Variants in HACD2 observed in about 807,000 individuals in gnomAD.
HACD2 encodes 3-hydroxyacyl-CoA dehydratase 2, also known as very-long-chain (3R)-3-hydroxyacyl-CoA dehydratase 2.
Under a neutral mutation model 31.0 loss-of-function variants are expected in HACD2, and 15 were observed. The observed-to-expected ratio is 0.48, with a 90% CI of 0.32 to 0.75. The LOEUF is 0.75. HACD2 is among the 30% of genes least tolerant of loss of function. HACD2 has a pLI of 0.03. For synonymous variants in HACD2, 115 were observed against 122.2 expected, an observed-to-expected ratio of 0.94 and a Z score of 0.39; for missense variants, 283 against 313.0, an observed-to-expected ratio of 0.90 and a Z score of 0.72.
chr3:123,540,065 C>G (rs1005161157), intron 3 of HACD2, among the ~76,000 whole-genome samples: 2 of 142,396 alleles, frequency 1.4e-5, no homozygotes, highest in Admixed American at 1.4e-4. Context: ...GCCTAGGGGA[C>G]GGAGTGAGAC....
At chr3:123,502,410 C>T (rs1439622050) in intron 5 of HACD2, 150 bp downstream of exon 5, 1 of 698,928 alleles carries the variant, frequency 1.4e-6, no homozygotes, top group Non-Finnish European at 2.3e-6. Flanking sequence ...TAAGTACAGA[C>T]TCCTATTCTG....
chr3:123,503,794 A>G (rs1466701516), intron 4 of HACD2, among the ~76,000 whole-genome samples: 1 of 151,930 alleles, frequency 6.6e-6, no homozygotes, highest in Non-Finnish European at 1.5e-5. Context: ...TGATGACAAG[A>G]TGGACTTTCT....
At chr3:123,538,759 T>C (rs2056455115) in intron 3 of HACD2, among the ~76,000 whole-genome samples, 1 of 152,240 alleles carries the variant, frequency 6.6e-6, no homozygotes, top group African/African-American at 2.4e-5. Context: ...CCAGAATGAA[T>C]GGTGGTCTTA....
intron 4 of HACD2, among the ~76,000 whole-genome samples, chr3:123,505,648 C>A (rs1034035926): frequency 6.6e-6 from 1 of 152,164 alleles, no homozygotes. Flanking sequence ...CAGGATTCAG[C>A]CACATTAACA....
intron 3 of HACD2, among the ~76,000 whole-genome samples, chr3:123,537,112 T>A (rs2056435789): frequency 6.6e-6 from 1 of 152,206 alleles, no homozygotes; most frequent in Non-Finnish European, 1.5e-5. Flanking sequence ...TGAACAATAA[T>A]AAATTAATAA....
Position 123,493,727 on chromosome 3 carries a change from T to TAAGAGA in HACD2, c.*1160_*1161insTCTCTT, listed in dbSNP as rs933362251. ...GACATGGATTAGACAATGTCGGTAG[T>TAAGAGA]ACCAAACTATTTCTTGGCTGCTCCA... On this transcript the variant is annotated 3_prime_UTR_variant, in exon 7 of 7. Transcript: ENST00000383657. 2.0e-5 allele frequency: 3 copies of TAAGAGA among 152,196 alleles called. No individual in the cohort carries two copies. The highest frequency in any genetic ancestry group is 4.8e-5 in the African/African-American group (2 of 41,444). 9.4% of individuals were successfully genotyped at this position (152,196 alleles called of 1,614,324 possible).
intron 2 of HACD2, among the ~76,000 whole-genome samples, chr3:123,581,102 G>A (rs766213966): frequency 6.6e-6 from 1 of 152,140 alleles, no homozygotes; most frequent in African/African-American, 2.4e-5. Context: ...TTACAGGCGT[G>A]AGCCACCGTG....
chr3:123,533,349 A>G (rs532098757), intron 3 of HACD2, among the ~76,000 whole-genome samples: 11 of 152,316 alleles, frequency 7.2e-5, no homozygotes, highest in African/African-American at 2.6e-4. Flanking sequence ...GGGTTTCGCC[A>G]TGATGCCCAG....
At position 123,493,977 on chromosome 3, in the gene HACD2, C is replaced by T. The variant is rs2055799931; in HGVS notation, c.*911G>A. ...TAAAGCAACACCTTCCATGTGCTTT[C>T]ACTAACACAGCCTCCTTTCCTATGT... On this transcript the variant is annotated 3_prime_UTR_variant, in exon 7 of 7. Coordinates refer to ENST00000383657, the MANE Select transcript of HACD2 (RefSeq NM_198402.5). The T allele has an allele frequency of 6.6e-6, 1 of 152,238 alleles. No homozygotes were observed. Among genetic ancestry groups the T allele is most frequent in the Admixed American group, 6.5e-5 (1 of 15,286 alleles). 9.4% of individuals were successfully genotyped at this position (152,238 alleles called of 1,614,324 possible). A position where few individuals can be genotyped will look rare whatever the true frequency, so the allele number is the denominator to read the frequency against.
At chr3:123,564,565 T>C (rs1247692255) in intron 3 of HACD2, among the ~76,000 whole-genome samples, 1 of 152,156 alleles carries the variant, frequency 6.6e-6, no homozygotes, top group Non-Finnish European at 1.5e-5. Flanking sequence ...GTAGACATTG[T>C]TGCTGACTTT....
At chr3:123,584,773 G>A (rs2057009054) in intron 1 of HACD2, 100 bp downstream of exon 1, 5 of 982,244 alleles carry the variant, frequency 5.1e-6, no homozygotes, top group South Asian at 2.2e-5. Context: ...GGAATGCACT[G>A]CCTGCGGCGG....
rs1186394190 is a variant in HACD2 at position 123,515,665 on chromosome 3, A to C, written c.381+12721T>G. Reference sequence around the variant, plus strand: ...GTTAAGTCATTTGGTTATTTATCTAAAAGGAATTTCATCCTTGATATTGAA... The same window carrying C: ...GTTAAGTCATTTGGTTATTTATCTACAAGGAATTTCATCCTTGATATTGAA... On this transcript the variant is annotated intron_variant, in intron 4 of 6. Transcript: ENST00000383657. Among the ~76,000 whole-genome samples the C allele has an allele frequency of 5.9e-5, 9 of 152,308 alleles. No individual in the cohort carries two copies. In the East Asian group the frequency reaches 1.7e-3, roughly 29 times the overall value.
At chr3:123,557,019 G>A (rs1189349248) in intron 3 of HACD2, among the ~76,000 whole-genome samples, 1 of 152,220 alleles carries the variant, frequency 6.6e-6, no homozygotes, top group East Asian at 1.9e-4. Flanking sequence ...CCTCAGACCA[G>A]GAGAAAATAT....
chr3:123,518,854 A>T (rs2056177628), intron 4 of HACD2, among the ~76,000 whole-genome samples: 1 of 151,924 alleles, frequency 6.6e-6, no homozygotes, highest in Admixed American at 6.6e-5. Flanking sequence ...AAAATTAGCC[A>T]GTGTTGTGGT....
In HACD2 at chr3:123,510,491, G is replaced by GCC. The variant is rs549467376; in HGVS notation, c.382-7812_382-7811dup. 1.6e-4 allele frequency among the ~76,000 whole-genome samples: 24 copies of GCC among 152,262 alleles called. No homozygotes were observed. The East Asian group carries it at 4.4e-3, about 28-fold the overall frequency. On this transcript the variant is annotated intron_variant, in intron 4 of 6. Coordinates refer to ENST00000383657, the MANE Select transcript of HACD2 (RefSeq NM_198402.5). ...TTGAACTCCTGACCTCACATGATCT[G>GCC]CCCGCCTTGGCCTCCCAAAGTGCTG...
chr3:123,562,058 C>T (rs778394177), intron 3 of HACD2, among the ~76,000 whole-genome samples: 136 of 152,300 alleles, frequency 8.9e-4, no homozygotes, highest in East Asian at 3.9e-4. Context: ...GTGATCTGCC[C>T]GCCTTGGCCT....
chr3:123,525,794 A>G (rs1379026566), intron 4 of HACD2, among the ~76,000 whole-genome samples: 1 of 152,244 alleles, frequency 6.6e-6, no homozygotes, highest in Non-Finnish European at 1.5e-5. Flanking sequence ...AAAGTGAGAT[A>G]TATGTGATTA....
intron 2 of HACD2, among the ~76,000 whole-genome samples, chr3:123,580,321 TA>T (rs1335529677): frequency 6.6e-6 from 1 of 151,280 alleles, no homozygotes; most frequent in East Asian, 2.0e-4. Flanking sequence ...ACCAAAAATA[TA>T]AAAATGAGCC....
intron 3 of HACD2, among the ~76,000 whole-genome samples, chr3:123,544,939 T>C (rs1167785225): frequency 2.1e-5 from 3 of 143,698 alleles, no homozygotes; most frequent in African/African-American, 7.8e-5. Flanking sequence ...CAGCATGTGG[T>C]GGTGCATGCT....
Sources: allele counts gnomAD v4.1 joint callset (sites outside exome capture counted in the v4.1 genomes callset), GRCh38; gene constraint gnomAD v4.1.1; transcripts MANE v1.5; gene names NCBI Gene and HGNC (gene_info 2026-07-23, HGNC 2026-07-21).